Variants in ZC3H12B observed in about 807,000 individuals in gnomAD.
The protein encoded by ZC3H12B is probable ribonuclease ZC3H12B.
A neutral mutation model predicts 43.9 loss-of-function variants in ZC3H12B; 7 were observed. The observed-to-expected ratio is 0.16, with a 90% confidence interval of 0.09 to 0.30. The LOEUF (loss-of-function observed/expected upper bound fraction) is 0.30. ZC3H12B is among the 10% of genes least tolerant of loss of function. The pLI is 1.00. For missense variants in ZC3H12B, 475 were observed against 670.2 expected (o/e 0.71, Z 3.22); for synonymous variants, 222 against 241.7 (o/e 0.92, Z 0.76).
the ZC3H12B span, among the ~76,000 whole-genome samples, chrX:65,107,533 C>A: frequency 9.0e-6 from 1 of 110,732 alleles, no homozygotes; most frequent in Non-Finnish European, 1.9e-5. Context: ...AGATGATATA[C>A]CTCGATATGG....
intron 3 of ZC3H12B, among the ~76,000 whole-genome samples, chrX:65,452,755 T>G (rs185345536): frequency 1.8e-5 from 2 of 109,381 alleles, no homozygotes; most frequent in East Asian, 5.7e-4. Flanking sequence ...GCAGGAGAAT[T>G]GCTTGAACCT....
intron 2 of ZC3H12B, among the ~76,000 whole-genome samples, chrX:65,390,627 C>T (rs1268755114): frequency 9.0e-6 from 1 of 110,638 alleles, no homozygotes; most frequent in African/African-American, 3.3e-5. Context: ...CGGGAGACTT[C>T]AACCCCCACC....
chrX:65,285,321 T>A, the ZC3H12B span, among the ~76,000 whole-genome samples: 3 of 110,416 alleles, frequency 2.7e-5, no homozygotes, highest in Non-Finnish European at 3.8e-5. Flanking sequence ...TTCTCATGCC[T>A]TCTAGCAAGA....
chrX:65,061,634 C>T, the ZC3H12B span, among the ~76,000 whole-genome samples: 1 of 112,290 alleles, frequency 8.9e-6, no homozygotes, highest in South Asian at 3.7e-4. Flanking sequence ...CAAACATGTG[C>T]ATGTGTCTTT....
chrX:65,073,754 T>C, the ZC3H12B span, among the ~76,000 whole-genome samples: 3 of 111,940 alleles, frequency 2.7e-5, no homozygotes, highest in Non-Finnish European at 5.6e-5. Context: ...CCTACCAGAA[T>C]TCCAGAAGCC....
chrX:65,265,857 A>G, the ZC3H12B span, among the ~76,000 whole-genome samples: 1 of 111,844 alleles, frequency 8.9e-6, no homozygotes, highest in African/African-American at 3.2e-5. Context: ...CAGATATTGG[A>G]CAACCAGCAG....
intron 3 of ZC3H12B, among the ~76,000 whole-genome samples, chrX:65,402,932 C>T (rs1312707826): frequency 5.3e-5 from 6 of 112,199 alleles, no homozygotes; most frequent in African/African-American, 1.9e-4. Context: ...AGAATATTTA[C>T]TAGCATCAAC....
At chrX:65,389,828 C>T (rs959133844) in intron 2 of ZC3H12B, among the ~76,000 whole-genome samples, 2 of 112,476 alleles carry the variant, frequency 1.8e-5, no homozygotes, top group Admixed American at 9.4e-5. Context: ...TCTAGTTCAA[C>T]CATTGTGGAA....
At chrX:65,420,033 A>G (rs1193750802) in intron 3 of ZC3H12B, among the ~76,000 whole-genome samples, 1 of 111,859 alleles carries the variant, frequency 8.9e-6, no homozygotes, top group East Asian at 2.8e-4. Flanking sequence ...GCCAGCCCCT[A>G]TGGACTCAGG....
the ZC3H12B span, among the ~76,000 whole-genome samples, chrX:65,346,259 TA>T: frequency 0.019 from 1,606 of 86,154 alleles, 16 homozygotes; most frequent in African/African-American, 0.052. Context: ...ATGGTACTAG[TA>T]AAAAAAAAAA....
At chrX:65,096,341 G>T in the ZC3H12B span, among the ~76,000 whole-genome samples, 1 of 111,009 alleles carries the variant, frequency 9.0e-6, no homozygotes, top group Non-Finnish European at 1.9e-5. Context: ...TAACAAACCT[G>T]CACGTCCTGC....
At chrX:65,446,132 A>G (rs897481981) in intron 3 of ZC3H12B, among the ~76,000 whole-genome samples, 1 of 111,837 alleles carries the variant, frequency 8.9e-6, no homozygotes, top group African/African-American at 3.2e-5. Context: ...GATTGTGTCT[A>G]GCAATGTCAT....
chrX:65,379,672 A>T (rs1162349398), intron 2 of ZC3H12B, among the ~76,000 whole-genome samples: 2 of 112,249 alleles, frequency 1.8e-5, no homozygotes, highest in Admixed American at 1.9e-4. Context: ...CTACGGGAGG[A>T]CATTCAAACC....
chrX:65,217,702 C>G, the ZC3H12B span, among the ~76,000 whole-genome samples: 1 of 111,057 alleles, frequency 9.0e-6, no homozygotes, highest in East Asian at 2.8e-4. Context: ...CAAAGTTAAT[C>G]AAAAGATGAA....
At chrX:65,247,678 G>A in the ZC3H12B span, among the ~76,000 whole-genome samples, 1 of 112,089 alleles carries the variant, frequency 8.9e-6, no homozygotes, top group Non-Finnish European at 1.9e-5. Context: ...ATAAGTGGGG[G>A]CAGAATTATG....
At chrX:65,507,498 A>AGAT (rs2068437808) in exon 5 of ZC3H12B, 1 of 112,605 alleles carries the variant, frequency 8.9e-6, no homozygotes, top group African/African-American at 3.2e-5. Flanking sequence ...CTATATACAT[A>AGAT]GATTGACTAT....
intron 3 of ZC3H12B, among the ~76,000 whole-genome samples, chrX:65,448,955 A>AAGAAAGAAAGAAAAAGAAAG (rs1556209273): frequency 1.7e-5 from 1 of 58,967 alleles, no homozygotes. Flanking sequence ...GAAAGAAAGA[A>AAGAAAGAAAGAAAAAGAAAG]AAAGAAAGAA....
chrX:65,066,102 G>T, the ZC3H12B span, among the ~76,000 whole-genome samples: 2 of 109,364 alleles, frequency 1.8e-5, no homozygotes, highest in East Asian at 5.9e-4. Context: ...CCTCGCCTTG[G>T]AGGAGTTTGT....
At chrX:65,379,827 C>T (rs930212435) in intron 2 of ZC3H12B, among the ~76,000 whole-genome samples, 16 of 111,475 alleles carry the variant, frequency 1.4e-4, no homozygotes, top group African/African-American at 2.9e-4. Context: ...CCTCAGGAGC[C>T]GATGTGATCA....
Sources: allele counts gnomAD v4.1 joint callset (sites outside exome capture counted in the v4.1 genomes callset), GRCh38; gene constraint gnomAD v4.1.1; transcripts MANE v1.5; gene names NCBI Gene and HGNC (gene_info 2026-07-23, HGNC 2026-07-21).